The following C2CD5 variants were observed in gnomAD, a reference collection of about 807,000 sequenced individuals.
C2CD5 encodes C2 domain-containing protein 5.
Under a neutral mutation model 130.3 loss-of-function variants are expected in C2CD5, and 109 were observed. That is an observed-to-expected ratio of 0.84 (90% confidence interval 0.72 to 0.98). The LOEUF is 0.98. Among genes scored for constraint, C2CD5 ranks in the 50% least tolerant of loss-of-function variants. C2CD5 has a pLI of 0.00. For missense variants in C2CD5, 996 were observed against 1,261.8 expected, an observed-to-expected ratio of 0.79 and a Z score of 3.19; for synonymous variants, 454 against 429.2, an observed-to-expected ratio of 1.06 and a Z score of -0.71.
rs1450547562 is a variant in C2CD5 at position 22,470,822 on chromosome 12, A to C, written c.2446+2T>G. On this transcript the variant is annotated splice_donor_variant, in intron 21 of 26. Coordinates refer to ENST00000446597, the MANE Select transcript of C2CD5 (RefSeq NM_001286176.2). LOFTEE classifies it high-confidence loss of function. ...TGAACTTCCTATTCAGTAAAGATTTACCTCTTTGCAATGACTTTTCAACAG... is the reference window on the plus strand; with the variant it reads ...TGAACTTCCTATTCAGTAAAGATTTCCCTCTTTGCAATGACTTTTCAACAG... The C allele has an allele frequency of 5.7e-6, 9 of 1,589,500 alleles. No homozygotes were observed. Among genetic ancestry groups the C allele is most frequent in the South Asian group, 1.1e-5 (1 of 90,280 alleles).
chr12:22,528,288 T>C (rs1950908366), intron 3 of C2CD5, among the ~76,000 whole-genome samples: 1 of 152,182 alleles, frequency 6.6e-6, no homozygotes, highest in South Asian at 2.1e-4. Context: ...ACACCACAAT[T>C]TCTAAGGGCG....
chr12:22,478,606 G>A, intron 14 of C2CD5, 129 bp from the exon 15 acceptor site: 1 of 735,294 alleles, frequency 1.4e-6, no homozygotes, highest in Non-Finnish European at 2.2e-6. Context: ...AGTACTTTGG[G>A]AGGCCAAGGC....
chr12:22,511,329 C>T (rs1949170056), intron 9 of C2CD5, among the ~76,000 whole-genome samples: 1 of 152,034 alleles, frequency 6.6e-6, no homozygotes, highest in African/African-American at 2.4e-5. Context: ...CATATCTGAA[C>T]ACATATGGAG....
chr12:22,491,350 A>G (rs1420969037), intron 11 of C2CD5, among the ~76,000 whole-genome samples: 1 of 152,010 alleles, frequency 6.6e-6, no homozygotes, highest in East Asian at 1.9e-4. Context: ...TGCATCTTGT[A>G]AGCTTTGAAA....
intron 7 of C2CD5, among the ~76,000 whole-genome samples, chr12:22,520,099 G>T (rs1371654264): frequency 6.6e-6 from 1 of 151,924 alleles, no homozygotes; most frequent in Non-Finnish European, 1.5e-5. Flanking sequence ...TGGCTAAAAG[G>T]ATTACATTGA....
chr12:22,464,354 A>G (rs1941711447), intron 22 of C2CD5, among the ~76,000 whole-genome samples: 1 of 152,148 alleles, frequency 6.6e-6, no homozygotes, highest in Admixed American at 6.5e-5. Context: ...ATTTCCAAGC[A>G]TGCAATCTCC....
chr12:22,535,122 T>C lies in C2CD5; in HGVS notation c.177+136A>G, dbSNP rs1230175727. On this transcript the variant is annotated intron_variant, in intron 3 of 26. Transcript: ENST00000446597. ...CAACTTTTTTTAGACTCAATATTCCTAGGTAAGCAGAAAAGAAAATATTTT... is the reference window on the plus strand; with the variant it reads ...CAACTTTTTTTAGACTCAATATTCCCAGGTAAGCAGAAAAGAAAATATTTT... 6 of 648,234 alleles carry C rather than the reference T, an allele frequency of 9.3e-6. No individual in the cohort carries two copies. The East Asian group carries it at 1.7e-4, about 18-fold the overall frequency. The allele number at this position is 648,234 out of a possible 1,614,324, so 40.2% of individuals were successfully genotyped here.
chr12:22,531,781 CAG>C, intron 3 of C2CD5, among the ~76,000 whole-genome samples: 1 of 152,290 alleles, frequency 6.6e-6, no homozygotes, highest in Middle Eastern at 3.4e-3. Context: ...TTATATTCCA[CAG>C]AGATAATAAA....
intron 9 of C2CD5, among the ~76,000 whole-genome samples, chr12:22,508,321 A>G (rs12302344): frequency 0.16 from 24,200 of 152,140 alleles, 3,827 homozygotes; most frequent in African/African-American, 0.41. Flanking sequence ...GGTTAGGTAT[A>G]GCCCAGCAGA....
At chr12:22,480,396 A>G (rs1361161973) in intron 14 of C2CD5, among the ~76,000 whole-genome samples, 1 of 152,214 alleles carries the variant, frequency 6.6e-6, no homozygotes, top group African/African-American at 2.4e-5. Context: ...CCTAAGAAAG[A>G]AGCTACTCTT....
intron 12 of C2CD5, among the ~76,000 whole-genome samples, chr12:22,487,753 G>A (rs1462606900): frequency 6.6e-6 from 1 of 152,020 alleles, no homozygotes; most frequent in South Asian, 2.1e-4. Flanking sequence ...ACATGCACAC[G>A]TATGTTTATT....
At chr12:22,530,076 C>CTATATATATATATA (rs918605281) in intron 3 of C2CD5, among the ~76,000 whole-genome samples, 6 of 77,284 alleles carry the variant, frequency 7.8e-5, no homozygotes, top group South Asian at 5.6e-4. Context: ...TATTTGAGTG[C>CTATATATATATATA]TATATATATA....
In C2CD5 at chr12:22,471,427, A is replaced by G; in HGVS notation, c.2330T>C (p.Val777Ala). The change falls in exon 20 of 27, where the codon GTA becomes GCA. Residue 777 changes from valine (V) to alanine (A), a missense_variant. Physicochemically the swap from Val to Ala is moderately conservative, Grantham distance 64. Around this residue, in one of 9 missense-constraint regions of C2CD5, gnomAD observed 590 missense variants for 631.4 expected, o/e 0.93. Transcript: ENST00000446597. ...AATTAATTCATCTTCAGGCAGAGAT[A>G]CTGTAAAATTTACATGGCAAAGGCA... ...PCCLCHVNFT[V>A]SLPEDELIQV... 1 of 1,586,086 alleles carries G rather than the reference A, an allele frequency of 6.3e-7. No individual in the cohort carries two copies.
At chr12:22,541,562 T>C (rs12301848) in intron 2 of C2CD5, among the ~76,000 whole-genome samples, 24,568 of 152,090 alleles carry the variant, frequency 0.16, 4,048 homozygotes, top group African/African-American at 0.43. Flanking sequence ...CCTTCACTTC[T>C]TAAAACACAC....
intron 15 of C2CD5, 122 bp downstream of exon 15, chr12:22,478,191 A>T: frequency 4.0e-6 from 3 of 742,348 alleles, no homozygotes; most frequent in South Asian, 3.1e-5. Flanking sequence ...GGGAGGTGAA[A>T]GAATGAGTAA....
intron 3 of C2CD5, among the ~76,000 whole-genome samples, chr12:22,530,076 CTATATATATATATATATA>C (rs918605281): frequency 3.9e-5 from 3 of 77,296 alleles, no homozygotes; most frequent in South Asian, 1.1e-3. Flanking sequence ...TATTTGAGTG[CTATATATATATATATATA>C]TATATATATA....
chr12:22,483,209 A>G (rs1455527946), intron 13 of C2CD5, among the ~76,000 whole-genome samples: 1 of 152,190 alleles, frequency 6.6e-6, no homozygotes, highest in Non-Finnish European at 1.5e-5. Flanking sequence ...TCATATTTCA[A>G]TAAAGAAAAA....
At chr12:22,543,226 T>G (rs1405661865) in intron 2 of C2CD5, among the ~76,000 whole-genome samples, 1 of 152,258 alleles carries the variant, frequency 6.6e-6, no homozygotes, top group Non-Finnish European at 1.5e-5. Flanking sequence ...ACGCCAATTT[T>G]TATTACAATC....
chr12:22,532,736 C>G (rs1951421207), intron 3 of C2CD5, among the ~76,000 whole-genome samples: 1 of 152,198 alleles, frequency 6.6e-6, no homozygotes, highest in Admixed American at 6.5e-5. Context: ...AAGCATCTTT[C>G]AAGCAAATCA....
Sources: allele counts gnomAD v4.1 joint callset (sites outside exome capture counted in the v4.1 genomes callset), GRCh38; gene constraint gnomAD v4.1.1; regional missense constraint gnomAD v4.1.1; transcripts MANE v1.5; gene names NCBI Gene and HGNC (gene_info 2026-07-23, HGNC 2026-07-21).